The following FREM2 variants were observed in gnomAD, a reference collection of about 807,000 sequenced individuals.
FREM2 encodes the protein FRAS1 related extracellular matrix 2, also known as FRAS1-related extracellular matrix protein 2.
In FREM2, 119 loss-of-function variants were observed where a neutral mutation model predicts 219.9. The ratio of observed to expected loss-of-function variants is 0.54; its 90% CI spans 0.47 to 0.63. The LOEUF (loss-of-function observed/expected upper bound fraction) is 0.63, where lower values mean the gene tolerates loss of function less well. Among genes scored for constraint, FREM2 ranks in the 30% least tolerant of loss-of-function variants. The pLI is 0.00. For synonymous variants in FREM2, 1,562 were observed against 1,522.8 expected (o/e 1.03, Z -0.60); for missense variants, 4,030 against 3,993.6 (o/e 1.01, Z -0.25).
intron 2 of FREM2, among the ~76,000 whole-genome samples, chr13:38,725,138 A>G (rs917365202): frequency 2.0e-5 from 3 of 152,214 alleles, no homozygotes; most frequent in African/African-American, 4.8e-5. Context: ...CCTGTAATCT[A>G]TATGTGCAAA....
At chr13:38,741,505 T>C (rs903028110) in intron 2 of FREM2, among the ~76,000 whole-genome samples, 5 of 152,072 alleles carry the variant, frequency 3.3e-5, no homozygotes, top group Non-Finnish European at 7.4e-5. Context: ...ACAGGGACAA[T>C]TGAGATCAGC....
At position 38,783,082 on chromosome 13, in the gene FREM2, T is replaced by G; in HGVS notation, c.5654T>G (p.Phe1885Cys). 3 of 1,613,704 alleles carry G rather than the reference T, an allele frequency of 1.9e-6. No individual in the cohort carries two copies. Among genetic ancestry groups the G allele is most frequent in the Non-Finnish European group, 2.5e-6 (3 of 1,179,906 alleles). The change falls in exon 5 of 24, where the codon TTT becomes TGT. Residue 1885 changes from phenylalanine (F) to cysteine (C), a missense_variant. Coordinates refer to ENST00000280481, the MANE Select transcript of FREM2 (RefSeq NM_207361.6). Reference sequence around the variant, plus strand: ...GTTTTCTCTCTAGAGCCAACTGTGTTTATTCCCCAGTCCAAATACTCCGTT... The same window carrying G: ...GTTTTCTCTCTAGAGCCAACTGTGTGTATTCCCCAGTCCAAATACTCCGTT... ...IVDPGDEPTVFIPQSKYSVEE... is the reference protein window; with the variant it reads ...IVDPGDEPTVCIPQSKYSVEE...
chr13:38,859,959 A>G (rs1457485603), intron 14 of FREM2, among the ~76,000 whole-genome samples: 1 of 152,034 alleles, frequency 6.6e-6, no homozygotes, highest in Non-Finnish European at 1.5e-5. Context: ...GGAAAGGCTT[A>G]TCAAAGAGGG....
chr13:38,719,953 A>G (rs1871156717), intron 2 of FREM2, among the ~76,000 whole-genome samples: 1 of 152,208 alleles, frequency 6.6e-6, no homozygotes. Context: ...GTTCAGATGC[A>G]AAAGTCTTCA....
chr13:38,688,923 T>C lies in FREM2; in HGVS notation c.1579T>C (p.Ser527Pro). The change falls in exon 1 of 24, where the codon TCG (serine) becomes CCG (proline). Residue 527 changes from serine (S) to proline (P), a missense_variant. Coordinates refer to ENST00000280481, the MANE Select transcript of FREM2 (RefSeq NM_207361.6). ...CTACCAGCATGATGACAGAGACGGC[T>C]CGCTGAGCGACAACCTGGTGCTTCG... ...VVYQHDDRDG[S>P]LSDNLVLRMV... The C allele has an allele frequency of 6.2e-7, 1 of 1,612,676 alleles. No individual in the cohort carries two copies. Among genetic ancestry groups the C allele is most frequent in the Non-Finnish European group, 8.5e-7 (1 of 1,179,280 alleles).
intron 2 of FREM2, among the ~76,000 whole-genome samples, chr13:38,725,268 G>A (rs889212422): frequency 6.6e-6 from 1 of 152,124 alleles, no homozygotes; most frequent in Non-Finnish European, 1.5e-5. Flanking sequence ...AGAAAAAGTG[G>A]CCTCTCTGCC....
intron 6 of FREM2, chr13:38,827,535 T>C (rs1876340250): frequency 6.6e-6 from 1 of 152,130 alleles, no homozygotes. Flanking sequence ...ATGTTTCTCA[T>C]TGGAGTTTAC....
At chr13:38,848,908 G>C (rs181313560) in intron 8 of FREM2, among the ~76,000 whole-genome samples, 2 of 152,250 alleles carry the variant, frequency 1.3e-5, no homozygotes, top group East Asian at 3.9e-4. Flanking sequence ...GTCAGGGAAG[G>C]AGGTTCCAGG....
chr13:38,776,441 T>C (rs181273582), intron 4 of FREM2, among the ~76,000 whole-genome samples: 9 of 152,344 alleles, frequency 5.9e-5, no homozygotes, highest in Non-Finnish European at 7.3e-5. Flanking sequence ...GTATAAAATG[T>C]ACATTCTCTT....
chr13:38,877,767 G>T (rs1256371246), intron 21 of FREM2, among the ~76,000 whole-genome samples: 1 of 152,110 alleles, frequency 6.6e-6, no homozygotes, highest in African/African-American at 2.4e-5. Flanking sequence ...TTCTTTCTTA[G>T]TGTTATTCTA....
At chr13:38,840,481 G>A (rs1238621276) in intron 6 of FREM2, among the ~76,000 whole-genome samples, 3 of 148,856 alleles carry the variant, frequency 2.0e-5, no homozygotes, top group African/African-American at 7.5e-5. Context: ...GAGTGCAATG[G>A]TGCAATATTG....
chr13:38,797,677 C>A (rs189422338), intron 6 of FREM2, among the ~76,000 whole-genome samples: 1 of 152,036 alleles, frequency 6.6e-6, no homozygotes, highest in African/African-American at 2.4e-5. Flanking sequence ...GTAAAATCTG[C>A]CTAGACAAAT....
intron 2 of FREM2, among the ~76,000 whole-genome samples, chr13:38,707,102 C>T (rs568531833): frequency 1.6e-4 from 25 of 152,092 alleles, no homozygotes; most frequent in Middle Eastern, 3.4e-3. Flanking sequence ...TTTATTAATC[C>T]GGTTCTGCCC....
At chr13:38,817,401 G>T (rs1030958317) in intron 6 of FREM2, among the ~76,000 whole-genome samples, 1 of 151,878 alleles carries the variant, frequency 6.6e-6, no homozygotes, top group African/African-American at 2.4e-5. Flanking sequence ...GAACCCAGAA[G>T]TAAATTTACA....
rs769273280 is a variant in FREM2 at position 38,688,653 on chromosome 13, A to G, written c.1309A>G (p.Met437Val). 70 of 1,613,942 alleles carry G rather than the reference A, an allele frequency of 4.3e-5. 1 individual carries two copies. The South Asian group carries it at 5.5e-4, about 13-fold the overall frequency. The change falls in exon 1 of 24, where the codon ATG (methionine) becomes GTG (valine). Residue 437 changes from methionine (M) to valine (V), a missense_variant. Met to Val is a conservative substitution (Grantham distance 21). Coordinates refer to ENST00000280481, the MANE Select transcript of FREM2 (RefSeq NM_207361.6). ...FMVVVKPMNTMAPVVTRNTGL... is the reference protein window; with the variant it reads ...FMVVVKPMNTVAPVVTRNTGL... ...GGTAGTGGTGAAGCCCATGAACACAATGGCTCCGGTGGTCACCCGGAATAC... is the reference window on the plus strand; with the variant it reads ...GGTAGTGGTGAAGCCCATGAACACAGTGGCTCCGGTGGTCACCCGGAATAC...
At chr13:38,842,814 G>GT (rs1877010613) in intron 6 of FREM2, among the ~76,000 whole-genome samples, 1 of 152,142 alleles carries the variant, frequency 6.6e-6, no homozygotes, top group African/African-American at 2.4e-5. Context: ...TTTGTTGCAG[G>GT]TATCTGTGCT....
intron 13 of FREM2, among the ~76,000 whole-genome samples, chr13:38,858,986 G>A (rs1250373703): frequency 2.4e-5 from 3 of 125,728 alleles, no homozygotes; most frequent in Non-Finnish European, 3.3e-5. Context: ...GCGACAGGAA[G>A]CGGGGGAGGA....
At chr13:38,855,372 C>T (rs1877516211) in intron 11 of FREM2, among the ~76,000 whole-genome samples, 1 of 152,098 alleles carries the variant, frequency 6.6e-6, no homozygotes, top group South Asian at 2.1e-4. Flanking sequence ...ATCCCATTCA[C>T]ACTCTATTAT....
At chr13:38,728,573 T>A (rs76752864) in intron 2 of FREM2, among the ~76,000 whole-genome samples, 1 of 150,326 alleles carries the variant, frequency 6.7e-6, no homozygotes, top group African/African-American at 2.4e-5. Context: ...GCCCAGCTAA[T>A]TTTTTTTTTC....
Sources: allele counts gnomAD v4.1 joint callset (sites outside exome capture counted in the v4.1 genomes callset), GRCh38; gene constraint gnomAD v4.1.1; transcripts MANE v1.5; gene names NCBI Gene and HGNC (gene_info 2026-07-23, HGNC 2026-07-21).